The following LRRC71 variants were observed in gnomAD, a reference collection of about 807,000 sequenced individuals.
LRRC71 encodes the protein leucine rich repeat containing 71.
Under a neutral mutation model 66.6 loss-of-function variants are expected in LRRC71, and 54 were observed. The ratio of observed to expected loss-of-function variants is 0.81; its 90% CI spans 0.65 to 1.02. The LOEUF is 1.02. Ranked by LOEUF, LRRC71 falls within the 50% of genes least tolerant of loss-of-function variation. The pLI is 0.00. For synonymous variants in LRRC71, 323 were observed against 303.9 expected (o/e 1.06, Z -0.65); for missense variants, 724 against 718.0 (o/e 1.01, Z -0.10).
At chr1:156,921,461 T>A (rs1267111438) in intron 1 of LRRC71, 2 of 175,592 alleles carry the variant, frequency 1.1e-5, no homozygotes, top group Admixed American at 1.3e-4. Context: ...GAAGGGGAAA[T>A]GTATCCGAAG....
chr1:156,920,901 C>T lies in LRRC71; in HGVS notation c.98C>T (p.Ala33Val), dbSNP rs1333786736. ...SGAVTKKGER[A>V]AKEKPATVLP... ...GCGGTGACCAAAAAGGGAGAGCGCG[C>T]GGCCAAAGAGAAGCCAGCGACCGTT... Residue 33 changes from alanine to valine, a missense_variant, in exon 1 of 15, where the codon GCG becomes GTG. Transcript: ENST00000337428. The surrounding 1 kb of genome is among the most constrained non-coding windows in gnomAD (Gnocchi z 4.9). 2 of 1,540,006 alleles carry T rather than the reference C, an allele frequency of 1.3e-6. No individual in the cohort carries two copies. Among genetic ancestry groups the T allele is most frequent in the East Asian group, 2.5e-5 (1 of 40,062 alleles).
chr1:156,923,479 A>C (rs1469961261), intron 1 of LRRC71, among the ~76,000 whole-genome samples: 1 of 152,262 alleles, frequency 6.6e-6, no homozygotes, highest in Non-Finnish European at 1.5e-5. Flanking sequence ...GAAATGTTAA[A>C]TAAAAGTATC....
chr1:156,936,914 G>C (rs377284095), downstream of LRRC71: 5 of 1,614,000 alleles, frequency 3.1e-6, no homozygotes, highest in African/African-American at 6.7e-5. Context: ...CCATCTAGCT[G>C]CTTCTGTGTG....
At chr1:156,939,435 C>A in the LRRC71 span, 1 of 1,479,568 alleles carries the variant, frequency 6.8e-7, no homozygotes, top group South Asian at 1.2e-5. Context: ...CAGCGTAGGT[C>A]TCTGCTCACA....
chr1:156,940,766 G>A, the LRRC71 span, among the ~76,000 whole-genome samples: 1 of 152,170 alleles, frequency 6.6e-6, no homozygotes, highest in Non-Finnish European at 1.5e-5. Flanking sequence ...GCTGGCTACA[G>A]TATTAAACAG....
Position 156,932,865 on chromosome 1 carries a change from G to A in LRRC71, c.1576G>A (p.Ala526Thr), listed in dbSNP as rs370907693. The A allele has an allele frequency of 4.2e-5, 68 of 1,606,084 alleles. No homozygotes were observed. In the East Asian group the frequency reaches 7.6e-4, roughly 18 times the overall value. ...LWLSLAKNCFAPQCPAYAIIQ... is the reference protein window; with the variant it reads ...LWLSLAKNCFTPQCPAYAIIQ... The stretch of plus-strand genomic sequence containing the variant: ...CTTTTCTTTTCAGAAAAATTGCTTC[G>A]CCCCACAATGTCCTGCGTACGCCAT... The change falls in exon 15 of 15, where the codon GCC (alanine) becomes ACC (threonine). Residue 526 changes from alanine (A) to threonine (T), a missense_variant. Physicochemically the swap from Ala to Thr is moderately conservative, Grantham distance 58 (BLOSUM62 0). Coordinates refer to ENST00000337428, the MANE Select transcript of LRRC71 (RefSeq NM_144702.3).
chr1:156,939,414 C>T, the LRRC71 span: 1 of 1,280,934 alleles, frequency 7.8e-7, no homozygotes, highest in Non-Finnish European at 1.1e-6. Flanking sequence ...TTGTCTCCTT[C>T]TTCCAGGACC....
intron 9 of LRRC71, among the ~76,000 whole-genome samples, chr1:156,928,524 CTCT>C (rs200476185): frequency 4.0e-4 from 54 of 135,690 alleles, no homozygotes; most frequent in South Asian, 1.4e-3. Flanking sequence ...CTTCCTCTTC[CTCT>C]TCTTCTTCTT....
At chr1:156,931,570 T>G (rs1654370748) in intron 12 of LRRC71, among the ~76,000 whole-genome samples, 1 of 152,218 alleles carries the variant, frequency 6.6e-6, no homozygotes, top group Non-Finnish European at 1.5e-5. Flanking sequence ...CCAGAGCCTT[T>G]GCACCTGCTT....
the LRRC71 span, chr1:156,939,657 G>A: frequency 5.0e-6 from 8 of 1,613,928 alleles, no homozygotes; most frequent in South Asian, 1.1e-5. Context: ...TGGTCCTTGG[G>A]GGTAGGTGTT....
chr1:156,926,378 G>A (rs567964943), intron 5 of LRRC71, among the ~76,000 whole-genome samples: 4 of 152,238 alleles, frequency 2.6e-5, no homozygotes, highest in African/African-American at 9.6e-5. Context: ...GCTCACTTAT[G>A]TGGCTGCCTG....
rs753894708 is a variant in LRRC71, at chr1:156,932,914, GGGATCCCATCAA to G, written c.1628_1639del (p.Asp543_Lys546del). 3 of 1,604,392 alleles carry G rather than the reference GGGATCCCATCAA, an allele frequency of 1.9e-6. No homozygotes were observed. In the East Asian group the frequency reaches 6.7e-5, roughly 36 times the overall value. On this transcript the variant is annotated inframe_deletion, in exon 15 of 15. Transcript: ENST00000337428. ...ATAATCCAGGAGCTGATGTTGCCAAGGGATCCCATCAAGGCCAAACTCAGGGAGGATGAGGCC... is the reference window on the plus strand; with the variant it reads ...ATAATCCAGGAGCTGATGTTGCCAAGGGCCAAACTCAGGGAGGATGAGGCC...
chr1:156,929,876 T>C (rs544267368), intron 11 of LRRC71, 147 bp downstream of exon 11: 3 of 665,294 alleles, frequency 4.5e-6, no homozygotes, highest in African/African-American at 1.8e-5. Context: ...CTTCTCACAG[T>C]GGGATGATGT....
chr1:156,921,687 C>A (rs1380974273), intron 1 of LRRC71: 1 of 974,664 alleles, frequency 1.0e-6, no homozygotes, highest in Non-Finnish European at 1.2e-6. Flanking sequence ...CAATCCCCTA[C>A]AGGTACGAAG....
At chr1:156,927,474 A>C in intron 6 of LRRC71, 22 bp from the exon 7 acceptor site, 10 of 1,520,172 alleles carry the variant, frequency 6.6e-6, no homozygotes, top group Non-Finnish European at 8.8e-6. Context: ...AGCGACCCAC[A>C]TTCTCCCTCC....
chr1:156,932,964 C>T lies in LRRC71; in HGVS notation c.1675C>T (p.Pro559Ser). 1 of 1,562,702 alleles carries T rather than the reference C, an allele frequency of 6.4e-7. No homozygotes were observed. Among genetic ancestry groups the T allele is most frequent in the Non-Finnish European group, 8.7e-7 (1 of 1,153,054 alleles). The change falls in exon 15 of 15, where the codon CCC (proline) becomes TCC (serine). Residue 559 changes from proline to serine, a missense_variant. Transcript: ENST00000337428. ...GGAGGATGAGGCCATGGCATTCTTC[C>T]CCTAGCCCCCTCCCACCTGCTTGCC... ...LREDEAMAFF[P>S] is the part of the protein sequence containing the mutation.
In LRRC71 at chr1:156,927,240, C is replaced by A. The variant is rs768219858; in HGVS notation, c.632C>A (p.Ser211Tyr). ...SLEGNPLPEQ[S>Y]YHKLMALDST... ...GAGGGGAACCCACTGCCGGAGCAGT[C>A]CTATCACAAGCTCATGGCCTTGGAC... is the stretch of plus-strand genomic sequence containing the variant. The change falls in exon 6 of 15, where the codon TCC becomes TAC. Residue 211 changes from serine (S) to tyrosine (Y), a missense_variant. By Grantham distance (144) the Ser-to-Tyr change is moderately radical. Coordinates refer to ENST00000337428, the MANE Select transcript of LRRC71 (RefSeq NM_144702.3). 4.3e-6 allele frequency: 7 copies of A among 1,613,744 alleles called. No individual in the cohort carries two copies. The highest frequency in any genetic ancestry group is 5.9e-6 in the Non-Finnish European group (7 of 1,179,806).
chr1:156,940,305 T>A, the LRRC71 span: 1 of 1,613,854 alleles, frequency 6.2e-7, no homozygotes. Context: ...GTTCTCTCCA[T>A]CCAGGGATGT....
rs771788444 is a variant in LRRC71 at position 156,927,603 on chromosome 1, T to G, written c.770T>G (p.Leu257Arg). The change falls in exon 7 of 15, where the codon CTC becomes CGC. Residue 257 changes from leucine (L) to arginine (R), a missense_variant. Leu to Arg is a moderately radical substitution (Grantham distance 102). Coordinates refer to ENST00000337428, the MANE Select transcript of LRRC71 (RefSeq NM_144702.3). ...AGCTGCAACCGGACCCTCGTCTCGC[T>G]CAACCTGGGTTTCAACCACATCGGT... Reference protein sequence around the residue: ...LHSCNRTLVSLNLGFNHIGDE... With the variant: ...LHSCNRTLVSRNLGFNHIGDE... The G allele has an allele frequency of 1.2e-6, 2 of 1,601,086 alleles. No individual in the cohort carries two copies. Among genetic ancestry groups the G allele is most frequent in the South Asian group, 2.3e-5 (2 of 88,816 alleles).
Sources: allele counts gnomAD v4.1 joint callset (sites outside exome capture counted in the v4.1 genomes callset), GRCh38; gene constraint gnomAD v4.1.1; non-coding constraint Gnocchi (gnomAD v3.1); transcripts MANE v1.5; gene names NCBI Gene and HGNC (gene_info 2026-07-23, HGNC 2026-07-21).